Variants in HNF4A observed in about 807,000 individuals in gnomAD.
HNF4A encodes hepatocyte nuclear factor 4-alpha.
Under a neutral mutation model 52.4 loss-of-function variants are expected in HNF4A, and 15 were observed. That is an observed-to-expected ratio of 0.29 (90% CI 0.19 to 0.44). The LOEUF (loss-of-function observed/expected upper bound fraction) is 0.44. HNF4A is among the 20% of genes least tolerant of loss of function. The probability of loss-of-function intolerance (pLI) is 1.00; values close to 1 mark genes in which losing one functional copy is unlikely to be tolerated. For missense variants in HNF4A, 479 were observed against 647.2 expected (o/e 0.74, Z 2.82); for synonymous variants, 280 against 264.4 (o/e 1.06, Z -0.57).
In HNF4A at chr20:44,414,711, G is replaced by T. The variant is rs368477748; in HGVS notation, c.648+49G>T. ...GCAGTAGTGGGCAGTGGGCGGGGCA[G>T]CCAGGGGGCTGCTGGCCCACCTGGG... On this transcript the variant is annotated intron_variant, in intron 5 of 9. Transcript: ENST00000316099. 1.0e-4 allele frequency: 158 copies of T among 1,557,080 alleles called. No individual in the cohort carries two copies. The African/African-American group carries it at 1.8e-3, about 17-fold the overall frequency.
Position 44,429,703 on chromosome 20 carries a change from C to A in HNF4A, c.*38C>A, listed in dbSNP as rs2063855353. ...GCTTGGGGGCTCCACTGGCTCCCCC[C>A]AGCCCCCTAAGAGAGCACCTGGTGA... On this transcript the variant is annotated 3_prime_UTR_variant, in exon 10 of 10. Transcript: ENST00000316099. 6.2e-7 allele frequency: 1 copy of A among 1,607,304 alleles called. No individual in the cohort carries two copies. The highest frequency in any genetic ancestry group is 8.5e-7 in the Non-Finnish European group (1 of 1,174,004).
intron 1 of HNF4A, among the ~76,000 whole-genome samples, chr20:44,403,058 C>T (rs2063433259): frequency 1.3e-5 from 2 of 152,222 alleles, no homozygotes; most frequent in African/African-American, 4.8e-5. Context: ...CAAAAACACA[C>T]CAGAGATAGC....
At chr20:44,365,943 G>T (rs1600634257) in intron 1 of HNF4A, among the ~76,000 whole-genome samples, 1 of 152,056 alleles carries the variant, frequency 6.6e-6, no homozygotes, top group African/African-American at 2.4e-5. Context: ...AGAGGTGAAG[G>T]TTGCTGTGAG....
chr20:44,378,654 T>C (rs1290944331), intron 1 of HNF4A, among the ~76,000 whole-genome samples: 6 of 152,160 alleles, frequency 3.9e-5, no homozygotes, highest in African/African-American at 7.2e-5. Context: ...CTGAACTTTT[T>C]TCATCTTCCC....
intron 1 of HNF4A, among the ~76,000 whole-genome samples, chr20:44,363,251 T>C (rs1412079373): frequency 6.6e-6 from 1 of 152,078 alleles, no homozygotes; most frequent in African/African-American, 2.4e-5. Context: ...ATAAAGTCAA[T>C]ATTTGTAAAG....
At chr20:44,362,236 A>G (rs766873420) in intron 1 of HNF4A, among the ~76,000 whole-genome samples, 17 of 152,048 alleles carry the variant, frequency 1.1e-4, no homozygotes, top group Non-Finnish European at 2.4e-4. Flanking sequence ...CCTAGTCAAC[A>G]TGGTGAAACC....
At chr20:44,418,296 C>A in intron 5 of HNF4A, 129 bp from the exon 6 acceptor site, 1 of 784,732 alleles carries the variant, frequency 1.3e-6, no homozygotes, top group Non-Finnish European at 2.3e-6. Flanking sequence ...TTTTATGATG[C>A]CCATTTCACA....
Position 44,414,671 on chromosome 20 carries a change from G to A in HNF4A, c.648+9G>A, listed in dbSNP as rs761113191. 5.1e-5 allele frequency: 81 copies of A among 1,593,158 alleles called. No homozygotes were observed. The highest frequency in any genetic ancestry group is 6.7e-5 in the Non-Finnish European group (78 of 1,169,504). On this transcript the variant is annotated intron_variant, in intron 5 of 9. Coordinates refer to ENST00000316099, the MANE Select transcript of HNF4A (RefSeq NM_000457.6). The stretch of plus-strand genomic sequence containing the variant: ...TCCCCCTGGACGACCAGGTGAGGAT[G>A]GGCGTGGATGGTGGGCAGTAGTGGG...
chr20:44,399,060 T>C (rs2063378607), upstream of HNF4A, among the ~76,000 whole-genome samples: 1 of 152,174 alleles, frequency 6.6e-6, no homozygotes, highest in Non-Finnish European at 1.5e-5. Flanking sequence ...GCCCTCCACA[T>C]CTCTTCTGTG....
upstream of HNF4A, among the ~76,000 whole-genome samples, chr20:44,398,326 C>T (rs904381833): frequency 5.0e-4 from 76 of 152,322 alleles, no homozygotes; most frequent in African/African-American, 1.8e-3. Context: ...ACTATAGGTG[C>T]AAGGACACGT....
At chr20:44,404,800 G>A (rs1484956943) in intron 1 of HNF4A, among the ~76,000 whole-genome samples, 1 of 14 alleles carries the variant, frequency 0.071, no homozygotes. Flanking sequence ...TGTCTGTGTG[G>A]TGTGTGGACT....
At chr20:44,415,940 G>A (rs545914360) in intron 5 of HNF4A, among the ~76,000 whole-genome samples, 5 of 152,086 alleles carry the variant, frequency 3.3e-5, no homozygotes, top group African/African-American at 1.2e-4. Context: ...CTCTGCTGGA[G>A]TCTCTACATT....
chr20:44,370,323 A>G (rs1194518533), intron 1 of HNF4A, among the ~76,000 whole-genome samples: 1 of 152,230 alleles, frequency 6.6e-6, no homozygotes, highest in Non-Finnish European at 1.5e-5. Context: ...CACAACGCCC[A>G]GCCACACTGG....
At chr20:44,355,926 C>G (rs1234171525) in intron 1 of HNF4A, 73 bp downstream of exon 1, 20 of 1,327,266 alleles carry the variant, frequency 1.5e-5, no homozygotes, top group Non-Finnish European at 2.0e-5. Context: ...GACACCTCCC[C>G]GTGTGTTTCT....
At chr20:44,411,648 C>G (rs34956692) in intron 3 of HNF4A, among the ~76,000 whole-genome samples, 2 of 151,968 alleles carry the variant, frequency 1.3e-5, no homozygotes, top group African/African-American at 4.8e-5. Context: ...CACTGACTCC[C>G]GGGCTCAAGT....
intron 1 of HNF4A, among the ~76,000 whole-genome samples, chr20:44,390,892 T>C (rs1173952539): frequency 1.3e-5 from 2 of 152,116 alleles, no homozygotes; most frequent in African/African-American, 2.4e-5. Flanking sequence ...AGGAGCCCCG[T>C]AGAGTATTAG....
At chr20:44,373,334 T>A (rs1480605001) in intron 1 of HNF4A, among the ~76,000 whole-genome samples, 1 of 152,088 alleles carries the variant, frequency 6.6e-6, no homozygotes, top group Non-Finnish European at 1.5e-5. Flanking sequence ...TTTTTAATTT[T>A]TTTAAGTTTT....
intron 1 of HNF4A, among the ~76,000 whole-genome samples, chr20:44,375,799 A>G (rs1164913233): frequency 1.3e-5 from 2 of 152,192 alleles, no homozygotes; most frequent in African/African-American, 4.8e-5. Context: ...AACACATGAC[A>G]ATACCTTGGC....
chr20:44,362,234 A>G (rs1284170086), intron 1 of HNF4A, among the ~76,000 whole-genome samples: 2 of 152,024 alleles, frequency 1.3e-5, no homozygotes, highest in African/African-American at 4.8e-5. Context: ...AGCCTAGTCA[A>G]CATGGTGAAA....
Sources: gnomAD v4.1 joint callset for allele counts (sites outside exome capture counted in the v4.1 genomes callset) on GRCh38, gnomAD v4.1.1 for gene constraint, MANE v1.5 for transcripts, NCBI Gene and HGNC (gene_info 2026-07-23, HGNC 2026-07-21) for gene names.